The following FKBP7 variants were observed in gnomAD, a reference collection of about 807,000 sequenced individuals.
FKBP7 encodes FKBP prolyl isomerase 7.
A neutral mutation model predicts 24.3 loss-of-function variants in FKBP7; 24 were observed. The observed-to-expected ratio is 0.99, with a 90% confidence interval of 0.72 to 1.39. The LOEUF (loss-of-function observed/expected upper bound fraction) is 1.39, where lower values mean the gene tolerates loss of function less well. FKBP7 is among the 40% of genes most tolerant of loss of function. The pLI, the probability that FKBP7 is intolerant of heterozygous loss-of-function variation, is 0.00. For missense variants in FKBP7, 257 were observed against 269.5 expected, an observed-to-expected ratio of 0.95 and a Z score of 0.33; for synonymous variants, 98 against 92.8, an observed-to-expected ratio of 1.06 and a Z score of -0.32.
At chr2:178,468,210 C>G (rs1052896731) in intron 3 of FKBP7, among the ~76,000 whole-genome samples, 2 of 152,170 alleles carry the variant, frequency 1.3e-5, no homozygotes, top group African/African-American at 4.8e-5. Context: ...TGTCTCCTAA[C>G]TAGTTAAGAG....
chr2:178,478,511 G>A lies in FKBP7; in HGVS notation c.-12C>T. 1 of 1,613,536 alleles carries A rather than the reference G, an allele frequency of 6.2e-7. No individual in the cohort carries two copies. The highest frequency in any genetic ancestry group is 8.5e-7 in the Non-Finnish European group (1 of 1,179,924). On this transcript the variant is annotated 5_prime_UTR_variant, in exon 1 of 4. Coordinates refer to ENST00000424785, the MANE Select transcript of FKBP7 (RefSeq NM_181342.3). Reference sequence around the variant, plus strand: ...ATGGTTTTTGGCATCGGCTCCAGCAGAACACTGCTCTCCCTCCCGCGTGTC... The same window carrying A: ...ATGGTTTTTGGCATCGGCTCCAGCAAAACACTGCTCTCCCTCCCGCGTGTC...
chr2:178,469,219 C>T (rs192177454), intron 3 of FKBP7, among the ~76,000 whole-genome samples: 18 of 152,148 alleles, frequency 1.2e-4, no homozygotes, highest in Admixed American at 2.6e-4. Flanking sequence ...GAGATACAGA[C>T]GCTAGCTGGC....
intron 2 of FKBP7, among the ~76,000 whole-genome samples, chr2:178,475,998 C>T (rs6757481): frequency 0.071 from 10,750 of 152,092 alleles, 693 homozygotes; most frequent in African/African-American, 0.17. Context: ...ACAATGTGCC[C>T]GTCCTGTCCT....
At chr2:178,477,486 C>A (rs1685043130) in intron 1 of FKBP7, among the ~76,000 whole-genome samples, 1 of 152,108 alleles carries the variant, frequency 6.6e-6, no homozygotes, top group South Asian at 2.1e-4. Flanking sequence ...GGGTCTCCAG[C>A]CCCTAACTAG....
At position 178,477,122 on chromosome 2, in the gene FKBP7, G is replaced by A. The variant is rs758740203; in HGVS notation, c.313C>T (p.Pro105Ser). Reference protein sequence around the residue: ...GLDIAMTDMCPGEKRKVVIPP... With the variant: ...GLDIAMTDMCSGEKRKVVIPP... ...ATAACTACTTTTCGCTTTTCTCCAG[G>A]GCACATATCTGTCATAGCAATGTCT... The change falls in exon 2 of 4, where the codon CCT becomes TCT. Residue 105 changes from proline (P) to serine (S), a missense_variant. Coordinates refer to ENST00000424785, the MANE Select transcript of FKBP7 (RefSeq NM_181342.3). 3 of 1,612,548 alleles carry A rather than the reference G, an allele frequency of 1.9e-6. No homozygotes were observed. The highest frequency in any genetic ancestry group is 3.3e-5 in the Admixed American group (2 of 59,802).
At position 178,478,515 on chromosome 2, in the gene FKBP7, A is replaced by G. The variant is rs556037155; in HGVS notation, c.-16T>C. 5 of 1,613,004 alleles carry G rather than the reference A, an allele frequency of 3.1e-6. No homozygotes were observed. The East Asian group carries it at 1.1e-4, about 36-fold the overall frequency. Reference sequence around the variant, plus strand: ...TTTTTGGCATCGGCTCCAGCAGAACACTGCTCTCCCTCCCGCGTGTCACTC... The same window carrying G: ...TTTTTGGCATCGGCTCCAGCAGAACGCTGCTCTCCCTCCCGCGTGTCACTC... On this transcript the variant is annotated 5_prime_UTR_variant, in exon 1 of 4. Transcript: ENST00000424785.
chr2:178,477,031 TA>T, intron 2 of FKBP7, 30 bp downstream of exon 2: 1 of 1,502,602 alleles, frequency 6.7e-7, no homozygotes, highest in Non-Finnish European at 9.0e-7. Context: ...TAAATATAAC[TA>T]AAACAAGAAA....
At chr2:178,470,297 T>C (rs1026207667) in intron 2 of FKBP7, among the ~76,000 whole-genome samples, 3 of 152,216 alleles carry the variant, frequency 2.0e-5, no homozygotes, top group Non-Finnish European at 4.4e-5. Context: ...GTATTAGATA[T>C]TATAAGTAAT....
At chr2:178,476,144 G>C (rs1684991477) in intron 2 of FKBP7, among the ~76,000 whole-genome samples, 1 of 152,108 alleles carries the variant, frequency 6.6e-6, no homozygotes, top group South Asian at 2.1e-4. Flanking sequence ...TTAAGGTAGA[G>C]CTTATAGAAT....
At chr2:178,469,206 G>T (rs1396649851) in intron 3 of FKBP7, among the ~76,000 whole-genome samples, 1 of 152,112 alleles carries the variant, frequency 6.6e-6, no homozygotes, top group Non-Finnish European at 1.5e-5. Flanking sequence ...TTATTACAAG[G>T]CTGAGATACA....
Position 178,464,234 on chromosome 2 carries a change from G to A in FKBP7, c.*1536C>T, listed in dbSNP as rs557782582. ...GTTTGGAAAGAGCAAGTTTCAGAAGGTAGAAAAAACTTTACTTGTTTGGAA... is the reference window on the plus strand; with the variant it reads ...GTTTGGAAAGAGCAAGTTTCAGAAGATAGAAAAAACTTTACTTGTTTGGAA... On this transcript the variant is annotated 3_prime_UTR_variant, in exon 4 of 4. Coordinates refer to ENST00000424785, the MANE Select transcript of FKBP7 (RefSeq NM_181342.3). The A allele has an allele frequency of 7.9e-5, 12 of 152,320 alleles. No homozygotes were observed. In the East Asian group the frequency reaches 2.3e-3, roughly 29 times the overall value. 9.4% of individuals were successfully genotyped at this position (152,320 alleles called of 1,614,324 possible).
At chr2:178,468,442 C>T (rs1212531400) in intron 3 of FKBP7, among the ~76,000 whole-genome samples, 1 of 151,472 alleles carries the variant, frequency 6.6e-6, no homozygotes, top group Admixed American at 6.6e-5. Context: ...CACTTGAGGC[C>T]AGGAGTTCAA....
At chr2:178,472,735 G>T (rs1684882806) in intron 2 of FKBP7, among the ~76,000 whole-genome samples, 2 of 151,038 alleles carry the variant, frequency 1.3e-5, no homozygotes, top group South Asian at 4.2e-4. Context: ...TGTAATCCCA[G>T]CTCCTCGGAG....
intron 2 of FKBP7, among the ~76,000 whole-genome samples, chr2:178,471,729 G>A (rs368144332): frequency 6.6e-6 from 1 of 152,148 alleles, no homozygotes; most frequent in Admixed American, 6.5e-5. Context: ...TCCTTGGAAG[G>A]AAACAGCAAT....
At chr2:178,476,259 C>T (rs1684996693) in intron 2 of FKBP7, among the ~76,000 whole-genome samples, 1 of 152,172 alleles carries the variant, frequency 6.6e-6, no homozygotes, top group South Asian at 2.1e-4. Context: ...AAAGAAGGGA[C>T]TGGACTGAAC....
At chr2:178,473,133 C>G in intron 2 of FKBP7, 1 of 1,282,230 alleles carries the variant, frequency 7.8e-7, no homozygotes, top group Non-Finnish European at 1.0e-6. Context: ...AAGACTTCTT[C>G]AAGTACTACC....
At chr2:178,465,955 T>C in intron 3 of FKBP7, 24 bp from the exon 4 acceptor site, 1 of 1,562,050 alleles carries the variant, frequency 6.4e-7, no homozygotes, top group Admixed American at 2.0e-5. Flanking sequence ...ATAACATTCC[T>C]TTAATTAAAA....
At position 178,469,732 on chromosome 2, in the gene FKBP7, C is replaced by A. The variant is rs141478382; in HGVS notation, c.427G>T (p.Ala143Ser). The A allele has an allele frequency of 8.7e-6, 14 of 1,613,968 alleles. No homozygotes were observed. The African/African-American group carries it at 1.9e-4, about 22-fold the overall frequency. The change falls in exon 3 of 4, where the codon GCT becomes TCT. Residue 143 changes from alanine (A) to serine (S), a missense_variant. Transcript: ENST00000424785. ...ATGCTCCGTGGTCCTTTGGTCACAG[C>A]ATAAAGTTCAATCTCAAAAATCAAT... is the stretch of plus-strand genomic sequence containing the variant. ...ATLIFEIELYAVTKGPRSIET... is the reference protein window; with the variant it reads ...ATLIFEIELYSVTKGPRSIET...
chr2:178,473,743 A>G (rs376572714), intron 2 of FKBP7, among the ~76,000 whole-genome samples: 191 of 152,360 alleles, frequency 1.3e-3, no homozygotes, highest in Non-Finnish European at 2.2e-3. Flanking sequence ...CTGAAAGGCA[A>G]ACTCTGCCTC....
Sources: allele counts gnomAD v4.1 joint callset (sites outside exome capture counted in the v4.1 genomes callset), GRCh38; gene constraint gnomAD v4.1.1; transcripts MANE v1.5; gene names NCBI Gene and HGNC (gene_info 2026-07-23, HGNC 2026-07-21).